LYPD6: variants seen among roughly 807,000 people sequenced by gnomAD.
LYPD6 encodes the protein ly6/PLAUR domain-containing protein 6.
A neutral mutation model predicts 22.7 loss-of-function variants in LYPD6; 15 were observed. The observed-to-expected ratio is 0.66, with a 90% CI of 0.44 to 1.02. The LOEUF is 1.02. Among genes scored for constraint, LYPD6 ranks in the 50% least tolerant of loss-of-function variants. The pLI, the probability that LYPD6 is intolerant of heterozygous loss-of-function variation, is 0.00. For synonymous variants in LYPD6, 72 were observed against 77.5 expected, an observed-to-expected ratio of 0.93 and a Z score of 0.37; for missense variants, 189 against 208.4, an observed-to-expected ratio of 0.91 and a Z score of 0.57.
At chr2:149,462,377 A>G (rs1470143341) in intron 3 of LYPD6, among the ~76,000 whole-genome samples, 4 of 151,948 alleles carry the variant, frequency 2.6e-5, no homozygotes, top group Non-Finnish European at 5.9e-5. Context: ...CATGTATAGG[A>G]CTTGTAAGCT....
At position 149,345,071 on chromosome 2, in the gene LYPD6, A is replaced by G. The variant is rs993020620; in HGVS notation, c.-72+14349A>G. 2.0e-5 allele frequency among the ~76,000 whole-genome samples: 3 copies of G among 152,144 alleles called. No homozygotes were observed. In the South Asian group the frequency reaches 6.2e-4, roughly 32 times the overall value. ...GAGACTCCATCTTTAAAAAAAATAAAAAGAGAGTAAGGATTCTCACTGAGA... is the reference window on the plus strand; with the variant it reads ...GAGACTCCATCTTTAAAAAAAATAAGAAGAGAGTAAGGATTCTCACTGAGA... On this transcript the variant is annotated intron_variant, in intron 1 of 4. Coordinates refer to ENST00000334166, the MANE Select transcript of LYPD6 (RefSeq NM_194317.5).
At chr2:149,479,386 C>T in the LYPD6 span, among the ~76,000 whole-genome samples, 1 of 152,088 alleles carries the variant, frequency 6.6e-6, no homozygotes, top group Non-Finnish European at 1.5e-5. Context: ...GACAAATAAT[C>T]TCTCCCCCTC....
At chr2:149,387,915 C>G (rs1016524906) in intron 1 of LYPD6, among the ~76,000 whole-genome samples, 19 of 152,064 alleles carry the variant, frequency 1.2e-4, no homozygotes, top group African/African-American at 4.6e-4. Context: ...GAAATATGAC[C>G]TTGGTGTTAT....
intron 1 of LYPD6, among the ~76,000 whole-genome samples, chr2:149,343,724 A>G (rs1189985249): frequency 1.3e-5 from 2 of 152,184 alleles, no homozygotes; most frequent in Non-Finnish European, 2.9e-5. Flanking sequence ...CTTTCATCTA[A>G]ACTCTCATCA....
chr2:149,418,162 A>G (rs78875862), intron 1 of LYPD6, among the ~76,000 whole-genome samples: 32 of 152,338 alleles, frequency 2.1e-4, no homozygotes, highest in African/African-American at 7.5e-4. Context: ...AGGCATCAAG[A>G]GAGATCCTCT....
chr2:149,388,673 T>C lies in LYPD6; in HGVS notation c.-71-48965T>C, dbSNP rs527895291. Among the ~76,000 whole-genome samples the C allele has an allele frequency of 1.8e-3, 267 of 152,310 alleles. 1 individual carries two copies. The Middle Eastern group carries it at 0.02, about 12-fold the overall frequency. The stretch of plus-strand genomic sequence containing the variant: ...TGGTGGGAGGGAGAGTCGTAATTCT[T>C]GTTTCAAGGCCTGGCTTCTTTTTTA... On this transcript the variant is annotated intron_variant, in intron 1 of 4. Transcript: ENST00000334166.
Position 149,433,499 on chromosome 2 carries a change from T to G in LYPD6, c.-71-4139T>G, listed in dbSNP as rs147393481. Among the ~76,000 whole-genome samples, 485 of 152,262 alleles carry G rather than the reference T, an allele frequency of 3.2e-3. 2 individuals carry two copies. The highest frequency in any genetic ancestry group is 0.011 in the African/African-American group (455 of 41,552). On this transcript the variant is annotated intron_variant, in intron 1 of 4. Transcript: ENST00000334166. ...TACAGTCAGGAAAGCTGTGGGGGAC[T>G]TGGTTTAGTTCCTGGCTGCAAAGCA...
At chr2:149,475,186 A>T (rs1306199694), downstream of LYPD6, among the ~76,000 whole-genome samples, 9 of 152,210 alleles carry the variant, frequency 5.9e-5, no homozygotes, top group Non-Finnish European at 1.2e-4. Flanking sequence ...TTTATCTGAA[A>T]TACTTAGAGC....
At chr2:149,337,941 T>C (rs914637254) in intron 1 of LYPD6, among the ~76,000 whole-genome samples, 2 of 152,218 alleles carry the variant, frequency 1.3e-5, no homozygotes, top group African/African-American at 4.8e-5. Context: ...GCTTCATCCA[T>C]GTTGCTGCAA....
intron 3 of LYPD6, among the ~76,000 whole-genome samples, chr2:149,454,104 T>G (rs562127229): frequency 6.6e-6 from 1 of 152,376 alleles, no homozygotes; most frequent in South Asian, 2.1e-4. Flanking sequence ...AGATGATCTC[T>G]CATCATATTA....
intron 1 of LYPD6, among the ~76,000 whole-genome samples, chr2:149,401,619 AT>A (rs1573774151): frequency 6.6e-6 from 1 of 152,308 alleles, no homozygotes; most frequent in East Asian, 1.9e-4. Flanking sequence ...TACTTTAGGA[AT>A]ATTACCTCAT....
chr2:149,405,779 T>C (rs1682689389), intron 1 of LYPD6, among the ~76,000 whole-genome samples: 1 of 150,634 alleles, frequency 6.6e-6, no homozygotes, highest in Non-Finnish European at 1.5e-5. Flanking sequence ...CTGCTAGCTT[T>C]TGAATGTGTT....
At chr2:149,436,803 G>A (rs980445083) in intron 1 of LYPD6, among the ~76,000 whole-genome samples, 3 of 152,136 alleles carry the variant, frequency 2.0e-5, no homozygotes, top group Non-Finnish European at 2.9e-5. Context: ...GGCTGGTCTC[G>A]ATCTCCCAAC....
At chr2:149,377,260 G>A (rs1681943264) in intron 1 of LYPD6, among the ~76,000 whole-genome samples, 1 of 150,904 alleles carries the variant, frequency 6.6e-6, no homozygotes, top group Non-Finnish European at 1.5e-5. Flanking sequence ...CTGCTGGCAG[G>A]TTCTGTTGCA....
In LYPD6 at chr2:149,384,167, G is replaced by A. The variant is rs1458363438; in HGVS notation, c.-72+53445G>A. ...GATCAATGTAAGCATCCATACTGGA[G>A]TCTTCATTTTTTAACAGCATCTCAA... On this transcript the variant is annotated intron_variant, in intron 1 of 4. Coordinates refer to ENST00000334166, the MANE Select transcript of LYPD6 (RefSeq NM_194317.5). Among the ~76,000 whole-genome samples, 3 of 152,110 alleles carry A rather than the reference G, an allele frequency of 2.0e-5. No homozygotes were observed. In the East Asian group the frequency reaches 5.8e-4, roughly 29 times the overall value.
At chr2:149,440,693 CTTTTTTTTTTTTTTT>C (rs764789006) in intron 2 of LYPD6, among the ~76,000 whole-genome samples, 1 of 91,068 alleles carries the variant, frequency 1.1e-5, no homozygotes, top group Non-Finnish European at 1.9e-5. Flanking sequence ...TTCTGTCCAC[CTTTTTTTTTTTTTTT>C]TTTTTTTTTT....
intron 1 of LYPD6, among the ~76,000 whole-genome samples, chr2:149,336,771 A>G (rs1218226101): frequency 1.3e-5 from 2 of 152,186 alleles, no homozygotes; most frequent in Non-Finnish European, 2.9e-5. Flanking sequence ...TGAAAATAAG[A>G]TTTAGTATTA....
At chr2:149,341,080 G>C (rs926385114) in intron 1 of LYPD6, among the ~76,000 whole-genome samples, 1 of 152,132 alleles carries the variant, frequency 6.6e-6, no homozygotes, top group Non-Finnish European at 1.5e-5. Context: ...AAGATCAAAG[G>C]AATGGTATTA....
At chr2:149,395,872 A>C (rs1334384016) in intron 1 of LYPD6, among the ~76,000 whole-genome samples, 1 of 152,116 alleles carries the variant, frequency 6.6e-6, no homozygotes, top group African/African-American at 2.4e-5. Flanking sequence ...GATGTAACCA[A>C]CCACTTTTAC....
Sources: gnomAD v4.1 joint callset for allele counts (sites outside exome capture counted in the v4.1 genomes callset) on GRCh38, gnomAD v4.1.1 for gene constraint, MANE v1.5 for transcripts, NCBI Gene and HGNC (gene_info 2026-07-23, HGNC 2026-07-21) for gene names.